The following TPMT variants were observed in gnomAD, a reference collection of about 807,000 sequenced individuals.
TPMT encodes thiopurine S-methyltransferase.
Under a neutral mutation model 34.2 loss-of-function variants are expected in TPMT, and 18 were observed. That is an observed-to-expected ratio of 0.53 (90% CI 0.36 to 0.78). The LOEUF (loss-of-function observed/expected upper bound fraction) is 0.78. Among genes scored for constraint, TPMT ranks in the 30% least tolerant of loss-of-function variants. TPMT has a pLI of 0.00. For missense variants in TPMT, 265 were observed against 288.1 expected (o/e 0.92, Z 0.58); for synonymous variants, 69 against 92.4 (o/e 0.75, Z 1.45).
At chr6:18,133,618 A>G in intron 7 of TPMT, 186 bp downstream of exon 7, 1 of 574,772 alleles carries the variant, frequency 1.7e-6, no homozygotes, top group Non-Finnish European at 3.1e-6. Flanking sequence ...AAAATCATGT[A>G]CAATATAGAA....
intron 7 of TPMT, among the ~76,000 whole-genome samples, chr6:18,133,549 T>A (rs540207472): frequency 6.6e-6 from 1 of 152,212 alleles, no homozygotes; most frequent in East Asian, 1.9e-4. Flanking sequence ...ATCATCCATT[T>A]CCCCGCTCTT....
intron 7 of TPMT, among the ~76,000 whole-genome samples, chr6:18,133,465 T>C (rs1783984717): frequency 6.6e-6 from 1 of 152,252 alleles, no homozygotes; most frequent in South Asian, 2.1e-4. Context: ...ACTTGGGTGA[T>C]ACGGATATGC....
rs1783927206 is a variant in TPMT at position 18,130,824 on chromosome 6, A to G, written c.626-44T>C. The stretch of plus-strand genomic sequence containing the variant: ...ACATGTTAAAATACTATGAAGAATG[A>G]CATCAGGGATTCTTTTAAAAATACT... On this transcript the variant is annotated intron_variant, in intron 8 of 8. Transcript: ENST00000309983. The surrounding 1 kb of genome is among the most constrained non-coding windows in gnomAD (Gnocchi z 4.2). 1.3e-6 allele frequency: 2 copies of G among 1,494,954 alleles called. No individual in the cohort carries two copies. Among genetic ancestry groups the G allele is most frequent in the Non-Finnish European group, 1.9e-6 (2 of 1,072,878 alleles). The allele number at this position is 1,494,954 out of a possible 1,614,324, so 92.6% of individuals were successfully genotyped here.
Position 18,133,787 on chromosome 6 carries a change from A to C in TPMT, c.580+17T>G. ...AGGCAACTGGTAAAAGAAAAAAAAA[A>C]AACCCAACAACTTTACCTGGATGTT... On this transcript the variant is annotated intron_variant, in intron 7 of 8. Coordinates refer to ENST00000309983, the MANE Select transcript of TPMT (RefSeq NM_000367.5). The C allele has an allele frequency of 6.3e-7, 1 of 1,583,138 alleles. No homozygotes were observed. The highest frequency in any genetic ancestry group is 8.6e-7 in the Non-Finnish European group (1 of 1,168,226).
chr6:18,148,601 C>A lies in TPMT; in HGVS notation c.140+387G>T, dbSNP rs1784292463. ...CACCATAGAGATAATTCTTTAACATCTGAACACATCCTATTGGAAAGCAAA... is the reference window on the plus strand; with the variant it reads ...CACCATAGAGATAATTCTTTAACATATGAACACATCCTATTGGAAAGCAAA... On this transcript the variant is annotated intron_variant, in intron 2 of 8. Coordinates refer to ENST00000309983, the MANE Select transcript of TPMT (RefSeq NM_000367.5). This position sits in a 1 kb window ranked among gnomAD's most constrained non-coding sequence, Gnocchi z 4.1. Among the ~76,000 whole-genome samples, 1 of 152,186 alleles carries A rather than the reference C, an allele frequency of 6.6e-6. No homozygotes were observed. The highest frequency in any genetic ancestry group is 1.5e-5 in the Non-Finnish European group (1 of 68,038).
Position 18,128,713 on chromosome 6 carries a change from T to C in TPMT, c.*1955A>G, listed in dbSNP as rs1386388435. ...TTCAGCAGTCAACTTGCCTTTCTTT[T>C]TTTTCTTTTCTTTTTCTTTCTTTTG... On this transcript the variant is annotated 3_prime_UTR_variant, in exon 9 of 9. Coordinates refer to ENST00000309983, the MANE Select transcript of TPMT (RefSeq NM_000367.5). The surrounding 1 kb of genome is among the most constrained non-coding windows in gnomAD (Gnocchi z 4.6). The C allele has an allele frequency of 6.6e-6, 1 of 152,588 alleles. No individual in the cohort carries two copies. Among genetic ancestry groups the C allele is most frequent in the Non-Finnish European group, 1.5e-5 (1 of 68,386 alleles). The allele number at this position is 152,588 out of a possible 1,614,324, so 9.5% of individuals were successfully genotyped here.
In TPMT at chr6:18,149,214, G is replaced by C; in HGVS notation, c.-44-43C>G. 1 of 1,494,194 alleles carries C rather than the reference G, an allele frequency of 6.7e-7. No individual in the cohort carries two copies. Among genetic ancestry groups the C allele is most frequent in the South Asian group, 1.1e-5 (1 of 88,434 alleles). 92.6% of individuals were successfully genotyped at this position (1,494,194 alleles called of 1,614,324 possible). ...GCAATGTTGTCATTTAAGGTCATTG[G>C]AATTCTATTGATGAACTAAATGAAA... On this transcript the variant is annotated intron_variant, in intron 1 of 8. Transcript: ENST00000309983. This position sits in a 1 kb window ranked among gnomAD's most constrained non-coding sequence, Gnocchi z 5.0.
rs963918757 is a variant in TPMT at position 18,148,795 on chromosome 6, A to C, written c.140+193T>G. Among the ~76,000 whole-genome samples the C allele has an allele frequency of 5.3e-5, 8 of 152,240 alleles. No individual in the cohort carries two copies. Among genetic ancestry groups the C allele is most frequent in the African/African-American group, 1.9e-4 (8 of 41,456 alleles). On this transcript the variant is annotated intron_variant, in intron 2 of 8. Transcript: ENST00000309983. The surrounding 1 kb of genome is among the most constrained non-coding windows in gnomAD (Gnocchi z 4.1). Reference sequence around the variant, plus strand: ...TTGTAAGCCACACCATTATTTACACACTGTGGGAAGAAAAGACTCTGCCAA... The same window carrying C: ...TTGTAAGCCACACCATTATTTACACCCTGTGGGAAGAAAAGACTCTGCCAA...
chr6:18,129,844 T>C lies in TPMT; in HGVS notation c.*824A>G, dbSNP rs1783903102. The C allele has an allele frequency of 6.6e-6, 1 of 152,238 alleles. No homozygotes were observed. Among genetic ancestry groups the C allele is most frequent in the Admixed American group, 6.5e-5 (1 of 15,288 alleles). The allele number at this position is 152,238 out of a possible 1,614,324, so 9.4% of individuals were successfully genotyped here. On this transcript the variant is annotated 3_prime_UTR_variant, in exon 9 of 9. Transcript: ENST00000309983. ...TAAAATTTGTTTCTTGATTCTGTTA[T>C]ATACATGGAGAAACCATGTGAAAAG...
chr6:18,142,149 T>C (rs986918399), intron 4 of TPMT, among the ~76,000 whole-genome samples: 3 of 151,932 alleles, frequency 2.0e-5, no homozygotes, highest in African/African-American at 7.3e-5. Flanking sequence ...GGTTTTTTCC[T>C]CTCGGAAGTC....
In TPMT at chr6:18,133,945, A is replaced by T. The variant is rs1291015939; in HGVS notation, c.495-56T>A. The T allele has an allele frequency of 7.7e-6, 11 of 1,435,118 alleles. No homozygotes were observed. The Admixed American group carries it at 1.9e-4, about 24-fold the overall frequency. 88.9% of individuals were successfully genotyped at this position (1,435,118 alleles called of 1,614,324 possible). A position where few individuals can be genotyped will look rare whatever the true frequency, so the allele number is the denominator to read the frequency against. On this transcript the variant is annotated intron_variant, in intron 6 of 8. Transcript: ENST00000309983. ...ATTTCTCTACACAGGCAAAGGCTGG[A>T]GGGACAAAAGGCAGGGAAGGAAGCC...
chr6:18,133,785 A>T lies in TPMT; in HGVS notation c.580+19T>A, dbSNP rs1194521906. 1.3e-6 allele frequency: 2 copies of T among 1,581,734 alleles called. No individual in the cohort carries two copies. The highest frequency in any genetic ancestry group is 2.7e-5 in the African/African-American group (2 of 72,926). ...CTAGGCAACTGGTAAAAGAAAAAAA[A>T]AAAACCCAACAACTTTACCTGGATG... On this transcript the variant is annotated intron_variant, in intron 7 of 8. Coordinates refer to ENST00000309983, the MANE Select transcript of TPMT (RefSeq NM_000367.5).
chr6:18,154,446 T>C lies in TPMT; in HGVS notation c.-45+587A>G, dbSNP rs556504753. ...AGTATGACTCGGTGAATTTTTTACA[T>C]ATACATACACCTGTGTAACCACCGC... On this transcript the variant is annotated intron_variant, in intron 1 of 8. Transcript: ENST00000309983. The surrounding 1 kb of genome is among the most constrained non-coding windows in gnomAD (Gnocchi z 4.2). 2.0e-5 allele frequency among the ~76,000 whole-genome samples: 3 copies of C among 152,308 alleles called. No homozygotes were observed. Among genetic ancestry groups the C allele is most frequent in the South Asian group, 4.1e-4 (2 of 4,832 alleles).
In TPMT at chr6:18,148,436, G is replaced by A. The variant is rs963983302; in HGVS notation, c.141-521C>T. ...GATGTCATCTCCTGGGGAGATGGGC[G>A]TGGCTGCCCAGAACAAGGAATGTCT... On this transcript the variant is annotated intron_variant, in intron 2 of 8. Transcript: ENST00000309983. The surrounding 1 kb of genome is among the most constrained non-coding windows in gnomAD (Gnocchi z 4.1). 2.0e-5 allele frequency among the ~76,000 whole-genome samples: 3 copies of A among 152,172 alleles called. No individual in the cohort carries two copies. In the East Asian group the frequency reaches 5.8e-4, roughly 29 times the overall value.
chr6:18,130,533 A>G lies in TPMT; in HGVS notation c.*135T>C, dbSNP rs1353214760. Reference sequence around the variant, plus strand: ...GAAAAAGTAAATGGCTTTACTAAAAAGCCATTTTTAGTAAAGATCTATCAT... The same window carrying G: ...GAAAAAGTAAATGGCTTTACTAAAAGGCCATTTTTAGTAAAGATCTATCAT... On this transcript the variant is annotated 3_prime_UTR_variant, in exon 9 of 9. Transcript: ENST00000309983. This position sits in a 1 kb window ranked among gnomAD's most constrained non-coding sequence, Gnocchi z 4.2. 3.0e-6 allele frequency: 2 copies of G among 661,718 alleles called. No homozygotes were observed. The highest frequency in any genetic ancestry group is 5.2e-6 in the Non-Finnish European group (2 of 384,674). The allele number at this position is 661,718 out of a possible 1,614,324, so 41.0% of individuals were successfully genotyped here.
Position 18,143,588 on chromosome 6 carries a change from A to G in TPMT, c.366+8T>C, listed in dbSNP as rs748101326. ...TGGATACAATTATTTACCCAAATCA[A>G]AACAAACCTTAAATACTTTGGTTCC... is the stretch of plus-strand genomic sequence containing the variant. On this transcript the variant is annotated splice_region_variant and intron_variant, in intron 4 of 8. Transcript: ENST00000309983. This position sits in a 1 kb window ranked among gnomAD's most constrained non-coding sequence, Gnocchi z 6.1. 6.2e-7 allele frequency: 1 copy of G among 1,612,048 alleles called. No homozygotes were observed. The highest frequency in any genetic ancestry group is 1.3e-5 in the African/African-American group (1 of 74,858).
Position 18,129,897 on chromosome 6 carries a change from G to A in TPMT, c.*771C>T, listed in dbSNP as rs1783904550. 6.6e-6 allele frequency: 1 copy of A among 152,086 alleles called. No homozygotes were observed. The highest frequency in any genetic ancestry group is 2.1e-4 in the South Asian group (1 of 4,822). 9.4% of individuals were successfully genotyped at this position (152,086 alleles called of 1,614,324 possible). ...ATGCTAGGATCTGAGTAAAAGACAA[G>A]GGTTTATAGTAAAAACTAATCTTTT... On this transcript the variant is annotated 3_prime_UTR_variant, in exon 9 of 9. Coordinates refer to ENST00000309983, the MANE Select transcript of TPMT (RefSeq NM_000367.5).
At chr6:18,152,684 C>T (rs181748152) in intron 1 of TPMT, among the ~76,000 whole-genome samples, 6 of 151,392 alleles carry the variant, frequency 4.0e-5, no homozygotes, top group East Asian at 3.9e-4. Flanking sequence ...TCTTGGCTAA[C>T]GGGACCCCAG....
chr6:18,140,557 A>G lies in TPMT; in HGVS notation c.367-840T>C, dbSNP rs941483943. 6.6e-6 allele frequency among the ~76,000 whole-genome samples: 1 copy of G among 152,042 alleles called. No individual in the cohort carries two copies. Among genetic ancestry groups the G allele is most frequent in the African/African-American group, 2.4e-5 (1 of 41,402 alleles). On this transcript the variant is annotated intron_variant, in intron 4 of 8. Coordinates refer to ENST00000309983, the MANE Select transcript of TPMT (RefSeq NM_000367.5). The surrounding 1 kb of genome is among the most constrained non-coding windows in gnomAD (Gnocchi z 4.7). ...AAATTAGATGGGTGTGGTGGCACAC[A>G]CCTGTAGTTCCAGCTACCTGGGAGG... is the stretch of plus-strand genomic sequence containing the variant.
Sources: gnomAD v4.1 joint callset for allele counts (sites outside exome capture counted in the v4.1 genomes callset) on GRCh38, gnomAD v4.1.1 for gene constraint, Gnocchi (gnomAD v3.1) non-coding constraint, MANE v1.5 for transcripts, NCBI Gene and HGNC (gene_info 2026-07-23, HGNC 2026-07-21) for gene names.